Variants in PPIL4 observed in about 807,000 individuals in gnomAD.
The protein encoded by PPIL4 is peptidylprolyl isomerase like 4.
Under a neutral mutation model 69.1 loss-of-function variants are expected in PPIL4, and 50 were observed. The observed-to-expected ratio is 0.72, with a 90% CI of 0.58 to 0.92. PPIL4 has a LOEUF of 0.92. Ranked by LOEUF, PPIL4 falls within the 40% of genes least tolerant of loss-of-function variation. The pLI is 0.00. For synonymous variants in PPIL4, 193 were observed against 191.6 expected (o/e 1.01, Z -0.06); for missense variants, 480 against 587.9 (o/e 0.82, Z 1.90).
chr6:149,528,707 T>A (rs570616091), intron 7 of PPIL4, among the ~76,000 whole-genome samples: 3 of 152,210 alleles, frequency 2.0e-5, no homozygotes, highest in Admixed American at 6.5e-5. Context: ...GAAGACAGTT[T>A]GGCAGTTTCT....
intron 12 of PPIL4, among the ~76,000 whole-genome samples, 156 bp from the exon 13 acceptor site, chr6:149,505,860 A>G (rs1776762417): frequency 6.6e-6 from 1 of 152,252 alleles, no homozygotes; most frequent in African/African-American, 2.4e-5. Flanking sequence ...TGTAAATTAC[A>G]AAGCAATAAA....
chr6:149,516,839 T>C (rs544702324), intron 11 of PPIL4: 2 of 152,322 alleles, frequency 1.3e-5, no homozygotes, highest in African/African-American at 4.8e-5. Context: ...GATTTTGTTA[T>C]CTAGGTAAGG....
rs1777111928 is a variant in PPIL4, at chr6:149,526,663, C to T, written c.792G>A (p.Gly264=). The T allele has an allele frequency of 2.5e-6, 4 of 1,609,316 alleles. No individual in the cohort carries two copies. Among genetic ancestry groups the T allele is most frequent in the Non-Finnish European group, 3.4e-6 (4 of 1,177,220 alleles). The change falls in exon 8 of 13, where the codon GGG becomes GGA. Residue 264 remains glycine, a synonymous_variant. Coordinates refer to ENST00000253329, the MANE Select transcript of PPIL4 (RefSeq NM_139126.4). ...EDLEIIFSRF[G]PIRSCEVIRD... is the part of the protein sequence containing the mutation. Reference sequence around the variant, plus strand: ...ATTCTAAGGATTACCTTCTTATTGGCCCAAATCTAGAGAATATTATTTCCA... The same window carrying T: ...ATTCTAAGGATTACCTTCTTATTGGTCCAAATCTAGAGAATATTATTTCCA...
Position 149,533,518 on chromosome 6 carries a change from C to T in PPIL4, c.618G>A (p.Glu206=). 1 of 1,612,874 alleles carries T rather than the reference C, an allele frequency of 6.2e-7. No individual in the cohort carries two copies. The highest frequency in any genetic ancestry group is 1.1e-5 in the South Asian group (1 of 91,044). The change falls in exon 7 of 13, where the codon GAG becomes GAA. Residue 206 remains glutamate, a synonymous_variant. Transcript: ENST00000253329. ...TTTCTGCCTTTATTTCTTCTACTTC[C>T]TCAGCTGATCTTCCTTTGAAATCAT... ...EIDDFKGRSA[E]EVEEIKAEKE... is the part of the protein sequence containing the mutation.
At position 149,504,797 on chromosome 6, in the gene PPIL4, T is replaced by A. The variant is rs1164826033; in HGVS notation, c.*656A>T. 1 of 152,256 alleles carries A rather than the reference T, an allele frequency of 6.6e-6. No individual in the cohort carries two copies. The highest frequency in any genetic ancestry group is 2.4e-5 in the African/African-American group (1 of 41,454). The allele number at this position is 152,256 out of a possible 1,614,324, so 9.4% of individuals were successfully genotyped here. A position where few individuals can be genotyped will look rare whatever the true frequency, so the allele number is the denominator to read the frequency against. On this transcript the variant is annotated 3_prime_UTR_variant, in exon 13 of 13. Transcript: ENST00000253329. ...AGCAATATAACTGCTAGATACAATG[T>A]TCACAGCAGCATTGTTTCAACAGCA...
intron 9 of PPIL4, among the ~76,000 whole-genome samples, chr6:149,524,514 G>A (rs10485097): frequency 0.2 from 29,687 of 152,136 alleles, 4,411 homozygotes; most frequent in East Asian, 0.77. Context: ...TTAACACCCA[G>A]TTCAGTTCTC....
At chr6:149,537,162 G>C (rs979217752) in intron 4 of PPIL4, among the ~76,000 whole-genome samples, 2 of 151,486 alleles carry the variant, frequency 1.3e-5, no homozygotes, top group African/African-American at 4.8e-5. Flanking sequence ...CATGCATCAA[G>C]TTATCTGGAA....
At chr6:149,507,615 GTTA>G (rs1776787585) in intron 12 of PPIL4, among the ~76,000 whole-genome samples, 1 of 152,140 alleles carries the variant, frequency 6.6e-6, no homozygotes, top group African/African-American at 2.4e-5. Flanking sequence ...TCCTCAGTAT[GTTA>G]TTATACAAAT....
chr6:149,512,765 C>T (rs530419450), intron 11 of PPIL4, among the ~76,000 whole-genome samples: 28 of 152,056 alleles, frequency 1.8e-4, no homozygotes, highest in Admixed American at 5.9e-4. Context: ...TTTTTTGAGA[C>T]GGAGTCTTGC....
chr6:149,512,188 ATCT>A lies in PPIL4; in HGVS notation c.1191_1193del (p.Glu397del). On this transcript the variant is annotated inframe_deletion, in exon 12 of 13. Transcript: ENST00000253329. ...TATTTTTGATTGGCATGTAGTCCTC[ATCT>A]TCTTTCTCTTCAGAACAGTGATGGG... is the stretch of plus-strand genomic sequence containing the variant. The A allele has an allele frequency of 6.2e-7, 1 of 1,612,936 alleles. No homozygotes were observed. Among genetic ancestry groups the A allele is most frequent in the Non-Finnish European group, 8.5e-7 (1 of 1,179,468 alleles).
chr6:149,525,462 G>A (rs1040295093), intron 8 of PPIL4, among the ~76,000 whole-genome samples: 2 of 152,102 alleles, frequency 1.3e-5, no homozygotes, highest in African/African-American at 2.4e-5. Flanking sequence ...AAGCACTGAA[G>A]TAAGAATAAA....
intron 1 of PPIL4, among the ~76,000 whole-genome samples, chr6:149,543,292 G>T (rs186858456): frequency 6.6e-6 from 1 of 152,052 alleles, no homozygotes; most frequent in Middle Eastern, 3.4e-3. Flanking sequence ...AGGAAACAGG[G>T]GACACAAAAA....
rs751713508 is a variant in PPIL4 at position 149,526,680 on chromosome 6, T to C, written c.775A>G (p.Ile259Val). 1 of 1,611,406 alleles carries C rather than the reference T, an allele frequency of 6.2e-7. No individual in the cohort carries two copies. Among genetic ancestry groups the C allele is most frequent in the Admixed American group, 1.7e-5 (1 of 59,852 alleles). Residue 259 changes from isoleucine to valine, a missense_variant, in exon 8 of 13, where the codon ATA becomes GTA. By Grantham distance (29) the Ile-to-Val change is conservative. Coordinates refer to ENST00000253329, the MANE Select transcript of PPIL4 (RefSeq NM_139126.4). ...CTTATTGGCCCAAATCTAGAGAATA[T>C]TATTTCCAGATCCTCATCTGTGGTC... Reference protein sequence around the residue: ...PVTTDEDLEIIFSRFGPIRSC... With the variant: ...PVTTDEDLEIVFSRFGPIRSC...
chr6:149,541,203 G>A, intron 3 of PPIL4, 144 bp from the exon 4 acceptor site: 3 of 561,830 alleles, frequency 5.3e-6, no homozygotes, highest in Non-Finnish European at 8.5e-6. Context: ...AGGGAACTTG[G>A]GGGAAAAAAT....
At chr6:149,514,765 AGTGT>A (rs36117544) in intron 11 of PPIL4, among the ~76,000 whole-genome samples, 26 of 149,234 alleles carry the variant, frequency 1.7e-4, no homozygotes, top group Admixed American at 6.0e-4. Flanking sequence ...TTTTGGTTCA[AGTGT>A]GTGTGTGTGT....
At chr6:149,541,317 GTAAATAAATAAATAAATAAA>G (rs146577244) in intron 3 of PPIL4, 30 bp downstream of exon 3, 1 of 751,698 alleles carries the variant, frequency 1.3e-6, no homozygotes, top group African/African-American at 2.0e-5. Context: ...GAGGTTAAAA[GTAAATAAATAAATAAATAAA>G]TAAATAAATA....
In PPIL4 at chr6:149,541,993, A is replaced by G. The variant is rs557964622; in HGVS notation, c.71-407T>C. The stretch of plus-strand genomic sequence containing the variant: ...CGCACCACTGCACTCCAGTCTGGGC[A>G]ATAGAGCAAGACTCTATCTCAAAAT... On this transcript the variant is annotated intron_variant, in intron 1 of 12. Transcript: ENST00000253329. 1.2e-4 allele frequency among the ~76,000 whole-genome samples: 19 copies of G among 152,246 alleles called. No individual in the cohort carries two copies. In the South Asian group the frequency reaches 2.7e-3, roughly 22 times the overall value.
chr6:149,523,340 C>A (rs1777059818), intron 9 of PPIL4, among the ~76,000 whole-genome samples: 1 of 151,806 alleles, frequency 6.6e-6, no homozygotes, highest in African/African-American at 2.4e-5. Context: ...ATCTGTATCA[C>A]ACATAATCAA....
intron 4 of PPIL4, among the ~76,000 whole-genome samples, chr6:149,538,577 T>C (rs1041059021): frequency 2.6e-5 from 4 of 152,214 alleles, no homozygotes; most frequent in Admixed American, 1.3e-4. Flanking sequence ...TTCACCATTC[T>C]AGATGTCATT....
Sources: allele counts gnomAD v4.1 joint callset (sites outside exome capture counted in the v4.1 genomes callset), GRCh38; gene constraint gnomAD v4.1.1; transcripts MANE v1.5; gene names NCBI Gene and HGNC (gene_info 2026-07-23, HGNC 2026-07-21).